The following DAAM1 variants were observed in gnomAD, a reference collection of about 807,000 sequenced individuals.
DAAM1 encodes dishevelled associated activator of morphogenesis 1, also known as disheveled-associated activator of morphogenesis 1.
Under a neutral mutation model 130.0 loss-of-function variants are expected in DAAM1, and 52 were observed. The ratio of observed to expected loss-of-function variants is 0.40; its 90% CI spans 0.32 to 0.50. DAAM1 has a LOEUF of 0.50. DAAM1 is among the 20% of genes least tolerant of loss of function. The pLI is 0.61. For missense variants in DAAM1, 1,134 were observed against 1,303.8 expected, an observed-to-expected ratio of 0.87 and a Z score of 2.01; for synonymous variants, 452 against 444.5, an observed-to-expected ratio of 1.02 and a Z score of -0.21.
At chr14:59,218,678 A>G (rs903221398) in intron 1 of DAAM1, among the ~76,000 whole-genome samples, 1 of 152,228 alleles carries the variant, frequency 6.6e-6, no homozygotes, top group Non-Finnish European at 1.5e-5. Flanking sequence ...TGGCACACAC[A>G]TGTATGAGTT....
chr14:59,364,530 C>T (rs1053892743), intron 23 of DAAM1, among the ~76,000 whole-genome samples: 5 of 150,426 alleles, frequency 3.3e-5, no homozygotes. Context: ...CACAGTCTCT[C>T]ATTTTCTATC....
At chr14:59,265,689 G>A (rs1457504876) in intron 2 of DAAM1, 1 of 152,234 alleles carries the variant, frequency 6.6e-6, no homozygotes, top group African/African-American at 2.4e-5. Flanking sequence ...AGGTTATGCT[G>A]TGATAGCAAA....
intron 1 of DAAM1, among the ~76,000 whole-genome samples, chr14:59,213,118 C>T (rs1416435789): frequency 6.6e-6 from 1 of 151,320 alleles, no homozygotes; most frequent in East Asian, 1.9e-4. Flanking sequence ...AGTTAAAGTT[C>T]TAAAGACGTA....
chr14:59,354,220 C>G (rs879585866), intron 19 of DAAM1, among the ~76,000 whole-genome samples: 2 of 152,134 alleles, frequency 1.3e-5, no homozygotes, highest in Non-Finnish European at 2.9e-5. Context: ...GCCACCACGC[C>G]TGGCTAATTT....
At chr14:59,314,778 A>C (rs973838376) in intron 3 of DAAM1, among the ~76,000 whole-genome samples, 1 of 152,226 alleles carries the variant, frequency 6.6e-6, no homozygotes, top group Non-Finnish European at 1.5e-5. Context: ...CTACCTCTTC[A>C]TCTGAAGCAG....
At chr14:59,296,916 T>C (rs1294741900) in intron 3 of DAAM1, among the ~76,000 whole-genome samples, 1 of 152,198 alleles carries the variant, frequency 6.6e-6, no homozygotes, top group Non-Finnish European at 1.5e-5. Context: ...TTTTGAACAA[T>C]GAAGTCAGTG....
At chr14:59,311,205 A>G (rs142822715) in intron 3 of DAAM1, among the ~76,000 whole-genome samples, 1 of 152,242 alleles carries the variant, frequency 6.6e-6, no homozygotes, top group Admixed American at 6.5e-5. Flanking sequence ...AAATTTTAGC[A>G]TGCTTTGGGT....
rs370668246 is a variant in DAAM1 at position 59,283,517 on chromosome 14, T to C, written c.184-7700T>C. ...GTTAGGGAGTAATACTGTATGTGTGTGTTTTTGTGATGTAACTGTTTACCT... is the reference window on the plus strand; with the variant it reads ...GTTAGGGAGTAATACTGTATGTGTGCGTTTTTGTGATGTAACTGTTTACCT... On this transcript the variant is annotated intron_variant, in intron 2 of 24. Transcript: ENST00000360909. 1.6e-4 allele frequency among the ~76,000 whole-genome samples: 24 copies of C among 152,320 alleles called. 1 individual carries two copies. The highest frequency in any genetic ancestry group is 8.5e-4 in the Admixed American group (13 of 15,290).
intron 3 of DAAM1, among the ~76,000 whole-genome samples, chr14:59,297,204 G>T (rs888778076): frequency 6.6e-6 from 1 of 152,168 alleles, no homozygotes; most frequent in Non-Finnish European, 1.5e-5. Context: ...CAGGAACTTT[G>T]CTGCCCTGTT....
At chr14:59,219,821 A>C (rs1396964415) in intron 1 of DAAM1, among the ~76,000 whole-genome samples, 1 of 152,098 alleles carries the variant, frequency 6.6e-6, no homozygotes, top group East Asian at 1.9e-4. Flanking sequence ...CTGCTTGTCT[A>C]ATATCCCTTT....
chr14:59,271,973 A>G (rs996738599), intron 2 of DAAM1, among the ~76,000 whole-genome samples: 1 of 152,258 alleles, frequency 6.6e-6, no homozygotes, highest in African/African-American at 2.4e-5. Flanking sequence ...ATAGAAGGAA[A>G]AAAAAACTGG....
chr14:59,355,377 G>A, intron 20 of DAAM1, 44 bp downstream of exon 20: 1 of 1,607,656 alleles, frequency 6.2e-7, no homozygotes, highest in African/African-American at 1.3e-5. Context: ...CAGGTGTGTA[G>A]GTCCAGGCTC....
chr14:59,368,924 A>G lies in DAAM1; in HGVS notation c.*65A>G. On this transcript the variant is annotated 3_prime_UTR_variant, in exon 25 of 25. Transcript: ENST00000360909. The stretch of plus-strand genomic sequence containing the variant: ...CCCTCTAAAGTGACTAGAACGTTTC[A>G]TTACACTGCCTTGCAATCCAAACAG... 1 of 1,472,452 alleles carries G rather than the reference A, an allele frequency of 6.8e-7. No homozygotes were observed. The highest frequency in any genetic ancestry group is 9.2e-7 in the Non-Finnish European group (1 of 1,082,646). 91.2% of individuals were successfully genotyped at this position (1,472,452 alleles called of 1,614,324 possible). A position where few individuals can be genotyped will look rare whatever the true frequency, so the allele number is the denominator to read the frequency against.
At chr14:59,318,706 A>G (rs1005581396) in intron 4 of DAAM1, among the ~76,000 whole-genome samples, 8 of 152,270 alleles carry the variant, frequency 5.3e-5, no homozygotes, top group Non-Finnish European at 4.4e-5. Context: ...AATCTGAAAA[A>G]TCACACATAG....
chr14:59,363,897 G>A, intron 23 of DAAM1, 115 bp downstream of exon 23: 1 of 1,440,718 alleles, frequency 6.9e-7, no homozygotes, highest in Non-Finnish European at 9.4e-7. Context: ...ACTTCGTGGT[G>A]CAGGAAATAA....
chr14:59,191,800 A>G (rs1594748363), intron 1 of DAAM1, among the ~76,000 whole-genome samples: 1 of 152,136 alleles, frequency 6.6e-6, no homozygotes, highest in Non-Finnish European at 1.5e-5. Flanking sequence ...AGAGAAAGAT[A>G]CCCAGAAGCC....
chr14:59,366,689 T>TTAGAAATGATTAA (rs1419185634), intron 23 of DAAM1, among the ~76,000 whole-genome samples: 9 of 152,142 alleles, frequency 5.9e-5, no homozygotes, highest in Non-Finnish European at 1.2e-4. Flanking sequence ...AATTTTTACT[T>TTAGAAATGATTAA]TAGAAATGAT....
At position 59,243,042 on chromosome 14, in the gene DAAM1, C is replaced by T. The variant is rs10148886; in HGVS notation, c.-37-20399C>T. Among the ~76,000 whole-genome samples the T allele has an allele frequency of 2.7e-3, 407 of 151,986 alleles. 1 individual carries two copies. Among genetic ancestry groups the T allele is most frequent in the African/African-American group, 8.9e-3 (369 of 41,442 alleles). On this transcript the variant is annotated intron_variant, in intron 1 of 24. Transcript: ENST00000360909. ...AGGGATGGTATTTTTCTGAGGACAC[C>T]GCAGCTCAGAGATTTTAAGGAGACT...
At chr14:59,252,301 G>A (rs1458595259) in intron 1 of DAAM1, among the ~76,000 whole-genome samples, 3 of 152,324 alleles carry the variant, frequency 2.0e-5, no homozygotes, top group African/African-American at 7.2e-5. Context: ...ATAAGTAGAT[G>A]TGATCAGTGA....
Sources: gnomAD v4.1 joint callset for allele counts (sites outside exome capture counted in the v4.1 genomes callset) on GRCh38, gnomAD v4.1.1 for gene constraint, MANE v1.5 for transcripts, NCBI Gene and HGNC (gene_info 2026-07-23, HGNC 2026-07-21) for gene names.